The following XIRP2 variants were observed in gnomAD, a reference collection of about 807,000 sequenced individuals.
XIRP2 encodes xin actin-binding repeat-containing protein 2.
XIRP2 carries 236 observed loss-of-function variants against 277.0 expected under a neutral mutation model. The observed-to-expected ratio is 0.85, with a 90% CI of 0.77 to 0.95. The LOEUF is 0.95. XIRP2 is among the 40% of genes least tolerant of loss of function. The pLI, the probability that XIRP2 is intolerant of heterozygous loss-of-function variation, is 0.00. For synonymous variants in XIRP2, 1,490 were observed against 1,416.5 expected, an observed-to-expected ratio of 1.05 and a Z score of -1.17; for missense variants, 4,640 against 4,157.5, an observed-to-expected ratio of 1.12 and a Z score of -3.19.
chr2:166,978,381 T>C (rs1346300300), intron 2 of XIRP2, among the ~76,000 whole-genome samples: 1 of 152,192 alleles, frequency 6.6e-6, no homozygotes, highest in Non-Finnish European at 1.5e-5. Flanking sequence ...AATTCACATA[T>C]AATTTTAGAA....
At position 167,242,987 on chromosome 2, in the gene XIRP2, G is replaced by A; in HGVS notation, c.1595G>A (p.Gly532Glu). The change falls in exon 9 of 11, where the codon GGG (glycine) becomes GAG (glutamate). Residue 532 changes from glycine (G) to glutamate (E), a missense_variant. Coordinates refer to ENST00000409195, the MANE Select transcript of XIRP2 (RefSeq NM_152381.6). The stretch of plus-strand genomic sequence containing the variant: ...ATTGTTTCTAGTCAAATGAACTCAG[G>A]GAGTTCAGTCTCAGCAGATGTGCAA... ...SEIVSSQMNS[G>E]SSVSADVQQA... is the part of the protein sequence containing the mutation. 1 of 1,613,840 alleles carries A rather than the reference G, an allele frequency of 6.2e-7. No individual in the cohort carries two copies. The highest frequency in any genetic ancestry group is 1.1e-5 in the South Asian group (1 of 91,066).
chr2:166,952,241 G>A (rs1046552455), intron 2 of XIRP2, among the ~76,000 whole-genome samples: 13 of 151,804 alleles, frequency 8.6e-5, no homozygotes, highest in African/African-American at 2.9e-4. Flanking sequence ...ACATTCGTCC[G>A]GTGGATGAGC....
At chr2:167,204,235 C>A (rs917026226) in intron 3 of XIRP2, among the ~76,000 whole-genome samples, 4 of 152,086 alleles carry the variant, frequency 2.6e-5, no homozygotes, top group African/African-American at 4.8e-5. Flanking sequence ...TATTGTTAAC[C>A]TTAGAATTTA....
At chr2:166,969,626 A>AT (rs1320630973) in intron 2 of XIRP2, among the ~76,000 whole-genome samples, 1 of 151,922 alleles carries the variant, frequency 6.6e-6, no homozygotes, top group Non-Finnish European at 1.5e-5. Flanking sequence ...TTCTAAAAAT[A>AT]TTTTAAAGCA....
chr2:167,226,967 C>T (rs776411065), intron 5 of XIRP2, among the ~76,000 whole-genome samples: 8 of 152,188 alleles, frequency 5.3e-5, no homozygotes, highest in South Asian at 2.1e-4. Context: ...AATCCCCAGG[C>T]GGCCCAGGTA....
chr2:167,081,497 G>A (rs999532040), intron 2 of XIRP2, among the ~76,000 whole-genome samples: 4 of 151,982 alleles, frequency 2.6e-5, no homozygotes, highest in Non-Finnish European at 4.4e-5. Flanking sequence ...AAATAGAAAA[G>A]GAATACATAT....
At position 166,935,595 on chromosome 2, in the gene XIRP2, AT is replaced by A. The variant is rs527490301; in HGVS notation, c.408+31706del. ...ACTCCATGATAGGCCCTGGTGTGTGATGTTCCCCTTCCTGTGTCCATGTGTT... is the reference window on the plus strand; with the variant it reads ...ACTCCATGATAGGCCCTGGTGTGTGAGTTCCCCTTCCTGTGTCCATGTGTT... On this transcript the variant is annotated intron_variant, in intron 2 of 10. Coordinates refer to ENST00000409195, the MANE Select transcript of XIRP2 (RefSeq NM_152381.6). Among the ~76,000 whole-genome samples, 51 of 152,202 alleles carry A rather than the reference AT, an allele frequency of 3.4e-4. 1 individual carries two copies. The South Asian group carries it at 0.01, about 31-fold the overall frequency.
chr2:166,984,766 G>A lies in XIRP2; in HGVS notation c.408+80876G>A, dbSNP rs867840248. On this transcript the variant is annotated intron_variant, in intron 2 of 10. Transcript: ENST00000409195. ...GAATGCAAAGAATTTGAATAAAATT[G>A]TTTCATGAAATATCAGAGCTGGGCT... Among the ~76,000 whole-genome samples, 11 of 152,272 alleles carry A rather than the reference G, an allele frequency of 7.2e-5. No homozygotes were observed. The South Asian group carries it at 8.3e-4, about 11-fold the overall frequency.
intron 2 of XIRP2, among the ~76,000 whole-genome samples, chr2:167,115,118 C>A (rs1002757926): frequency 2.0e-5 from 3 of 152,132 alleles, no homozygotes; most frequent in African/African-American, 7.2e-5. Flanking sequence ...TGTTTCCTGA[C>A]TTTTTAAAGA....
rs567093485 is a variant in XIRP2 at position 166,898,696 on chromosome 2, A to C, written c.-18-4769A>C. On this transcript the variant is annotated intron_variant, in intron 1 of 10. Coordinates refer to ENST00000409195, the MANE Select transcript of XIRP2 (RefSeq NM_152381.6). ...ATCACCTATGCAGATTCCTGTAACC[A>C]CCACAGCAATCAAGACACAGAAGTT... Among the ~76,000 whole-genome samples the C allele has an allele frequency of 4.1e-3, 625 of 152,118 alleles. 3 individuals are homozygous for C. Among genetic ancestry groups the C allele is most frequent in the African/African-American group, 0.014 (579 of 41,516 alleles).
intron 2 of XIRP2, among the ~76,000 whole-genome samples, chr2:166,988,677 C>A (rs1257857447): frequency 1.0e-4 from 11 of 108,818 alleles, no homozygotes; most frequent in Non-Finnish European, 3.7e-5. Context: ...CAGGGAGTTC[C>A]CTTTCCGAGT....
intron 3 of XIRP2, among the ~76,000 whole-genome samples, chr2:167,186,424 G>A (rs932595809): frequency 3.9e-5 from 6 of 152,156 alleles, no homozygotes; most frequent in African/African-American, 1.4e-4. Flanking sequence ...TATAGGTCAG[G>A]TGTTTCTTTA....
In XIRP2 at chr2:167,075,369, A is replaced by G. The variant is rs562215420; in HGVS notation, c.409-60540A>G. On this transcript the variant is annotated intron_variant, in intron 2 of 10. Transcript: ENST00000409195. The stretch of plus-strand genomic sequence containing the variant: ...TACCCTGGGAAAACCATATCAAAGG[A>G]AAATGGGGTCGCCATTTGCTCTTTA... Among the ~76,000 whole-genome samples the G allele has an allele frequency of 3.3e-5, 5 of 152,268 alleles. No homozygotes were observed. In the East Asian group the frequency reaches 7.8e-4, roughly 24 times the overall value.
intron 1 of XIRP2, among the ~76,000 whole-genome samples, chr2:166,901,905 G>A (rs1434095321): frequency 1.3e-5 from 2 of 152,028 alleles, no homozygotes; most frequent in Non-Finnish European, 2.9e-5. Context: ...CCAAGCACTC[G>A]CATCTAGGAG....
chr2:167,027,570 A>T (rs1458496262), intron 2 of XIRP2, among the ~76,000 whole-genome samples: 2 of 152,150 alleles, frequency 1.3e-5, no homozygotes, highest in Admixed American at 6.6e-5. Flanking sequence ...CCTTTGGAGG[A>T]GGAGAGGTAC....
intron 2 of XIRP2, among the ~76,000 whole-genome samples, chr2:167,024,429 A>T (rs1016081086): frequency 2.6e-5 from 4 of 152,016 alleles, no homozygotes; most frequent in African/African-American, 9.7e-5. Flanking sequence ...TCTTTTCCTA[A>T]TTGAATACCC....
At chr2:167,055,284 G>T (rs1243016155) in intron 2 of XIRP2, among the ~76,000 whole-genome samples, 1 of 152,142 alleles carries the variant, frequency 6.6e-6, no homozygotes, top group East Asian at 1.9e-4. Flanking sequence ...AGTAGGTGAA[G>T]GTAGAAAAAT....
chr2:167,179,281 G>A (rs973199632), intron 3 of XIRP2, among the ~76,000 whole-genome samples: 5 of 150,480 alleles, frequency 3.3e-5, no homozygotes, highest in African/African-American at 4.9e-5. Flanking sequence ...TATTTTAGTC[G>A]CTTCCCCAGT....
intron 10 of XIRP2, among the ~76,000 whole-genome samples, chr2:167,256,619 T>C (rs761523303): frequency 2.0e-5 from 3 of 151,910 alleles, no homozygotes; most frequent in Non-Finnish European, 4.4e-5. Context: ...AGGGATATTA[T>C]AATGCCCTTT....
Sources: gnomAD v4.1 joint callset for allele counts (sites outside exome capture counted in the v4.1 genomes callset) on GRCh38, gnomAD v4.1.1 for gene constraint, MANE v1.5 for transcripts, NCBI Gene and HGNC (gene_info 2026-07-23, HGNC 2026-07-21) for gene names.